MGLL: variants seen among roughly 807,000 people sequenced by gnomAD.
MGLL encodes monoglyceride lipase.
Under a neutral mutation model 29.1 loss-of-function variants are expected in MGLL, and 7 were observed. The observed-to-expected ratio is 0.24, with a 90% CI of 0.14 to 0.45. The LOEUF is 0.45. MGLL is among the 20% of genes least tolerant of loss of function. The pLI is 0.99. For synonymous variants in MGLL, 148 were observed against 168.3 expected (o/e 0.88, Z 0.93); for missense variants, 356 against 413.6 (o/e 0.86, Z 1.21).
At chr3:127,745,001 G>C (rs374900603) in intron 3 of MGLL, among the ~76,000 whole-genome samples, 2 of 152,198 alleles carry the variant, frequency 1.3e-5, no homozygotes, top group Non-Finnish European at 2.9e-5. Context: ...TCATACACCT[G>C]CTGACCGGCA....
intron 5 of MGLL, among the ~76,000 whole-genome samples, chr3:127,716,103 G>A (rs1053318533): frequency 1.6e-4 from 25 of 152,270 alleles, no homozygotes; most frequent in Admixed American, 1.3e-3. Context: ...AGGGGTCGTC[G>A]CCTGAGGATA....
intron 2 of MGLL, among the ~76,000 whole-genome samples, chr3:127,803,740 G>A (rs561660498): frequency 6.6e-6 from 1 of 152,322 alleles, no homozygotes; most frequent in Admixed American, 6.5e-5. Context: ...ATGAGTTAGG[G>A]AAGTTTGATG....
intron 3 of MGLL, among the ~76,000 whole-genome samples, chr3:127,752,120 G>A (rs1000486375): frequency 6.7e-5 from 10 of 149,102 alleles, no homozygotes; most frequent in African/African-American, 1.5e-4. Context: ...TTTTTTAGAC[G>A]GAGTTTCACT....
At chr3:127,823,029 C>G (rs952184185), upstream of MGLL, 113 of 152,252 alleles carry the variant, frequency 7.4e-4, no homozygotes, top group Non-Finnish European at 1.4e-3. Context: ...CAGTGCTGCT[C>G]CCCACCCCTG....
At chr3:127,705,233 C>CG (rs1292096764) in intron 6 of MGLL, among the ~76,000 whole-genome samples, 2 of 146,034 alleles carry the variant, frequency 1.4e-5, no homozygotes, top group South Asian at 2.2e-4. Context: ...AGGAGGGGCA[C>CG]GGGGGGAGGG....
intron 3 of MGLL, among the ~76,000 whole-genome samples, chr3:127,729,427 A>G (rs2076107182): frequency 6.6e-6 from 1 of 152,100 alleles, no homozygotes; most frequent in Non-Finnish European, 1.5e-5. Flanking sequence ...ACCCATTTGA[A>G]TTTTGTCTTG....
At position 127,750,098 on chromosome 3, in the gene MGLL, G is replaced by A. The variant is rs138671142; in HGVS notation, c.263-27532C>T. On this transcript the variant is annotated intron_variant, in intron 3 of 7. Coordinates refer to ENST00000265052, the MANE Select transcript of MGLL (RefSeq NM_007283.7). Reference sequence around the variant, plus strand: ...ACACAGGTGGTGGGAGCTGAGGAGGGCCATGGTCTCATCTGGGCTGAAGGG... The same window carrying A: ...ACACAGGTGGTGGGAGCTGAGGAGGACCATGGTCTCATCTGGGCTGAAGGG... Among the ~76,000 whole-genome samples the A allele has an allele frequency of 6.1e-3, 922 of 152,208 alleles. 6 individuals are homozygous for A. The highest frequency in any genetic ancestry group is 0.021 in the African/African-American group (871 of 41,526).
intron 2 of MGLL, among the ~76,000 whole-genome samples, chr3:127,809,264 A>C (rs558315464): frequency 6.6e-6 from 1 of 152,160 alleles, no homozygotes; most frequent in Non-Finnish European, 1.5e-5. Context: ...AGCCATCACC[A>C]AGTCCTATAG....
chr3:127,722,001 G>A (rs530438645), intron 4 of MGLL, among the ~76,000 whole-genome samples: 255 of 152,348 alleles, frequency 1.7e-3, no homozygotes, highest in Non-Finnish European at 3.3e-3. Context: ...TAAGCTTTAA[G>A]GAATTGTTTC....
intron 3 of MGLL, among the ~76,000 whole-genome samples, chr3:127,741,238 G>T (rs538046540): frequency 1.3e-5 from 2 of 152,384 alleles, no homozygotes; most frequent in African/African-American, 4.8e-5. Flanking sequence ...ACACAGTGGG[G>T]TGGAGTGAAT....
At chr3:127,787,637 G>T (rs770633569) in intron 2 of MGLL, among the ~76,000 whole-genome samples, 1 of 152,246 alleles carries the variant, frequency 6.6e-6, no homozygotes, top group Non-Finnish European at 1.5e-5. Flanking sequence ...TGGGTGAGGG[G>T]AGCCTCGGGG....
chr3:127,693,178 G>A (rs746128093), intron 7 of MGLL, among the ~76,000 whole-genome samples: 73 of 152,084 alleles, frequency 4.8e-4, no homozygotes, highest in Non-Finnish European at 6.5e-4. Context: ...TGGCGTTTCC[G>A]GTCTCATTAC....
intron 5 of MGLL, 198 bp from the exon 6 acceptor site, chr3:127,710,863 C>A: frequency 1.6e-6 from 1 of 618,158 alleles, no homozygotes; most frequent in Non-Finnish European, 3.0e-6. Context: ...CAGCCTGGCT[C>A]TGCTCCACCT....
chr3:127,761,656 C>T lies in MGLL; in HGVS notation c.262+20133G>A, dbSNP rs747499992. Among the ~76,000 whole-genome samples the T allele has an allele frequency of 1.3e-5, 2 of 152,210 alleles. No homozygotes were observed. The highest frequency in any genetic ancestry group is 1.5e-5 in the Non-Finnish European group (1 of 68,046). On this transcript the variant is annotated intron_variant, in intron 3 of 7. Transcript: ENST00000265052. The surrounding 1 kb of genome is among the most constrained non-coding windows in gnomAD (Gnocchi z 4.6). ...GGTTTCCTCTTTTGGCTGGTGAGGA[C>T]ACGGAGGCACAGAGAGGGCTGGCGC...
intron 5 of MGLL, chr3:127,711,779 A>G (rs952408495): frequency 1.3e-5 from 2 of 148,350 alleles, no homozygotes; most frequent in Non-Finnish European, 3.0e-5. Context: ...GCTGGAGTGC[A>G]GTGGCGCAAT....
At chr3:127,713,397 A>ATGGTG (rs3836350) in intron 5 of MGLL, 73,128 of 151,572 alleles carry the variant, frequency 0.48, 17,748 homozygotes, top group African/African-American at 0.52. Flanking sequence ...GTGTAACGGG[A>ATGGTG]TGGTGTGCAA....
At position 127,694,957 on chromosome 3, in the gene MGLL, C is replaced by A. The variant is rs199910296; in HGVS notation, c.816+18G>T. ...CCCCTCCACCTTGGGGGGAAGTGGGCAAGTGGCAGCCGCTCACCTTGAGAG... is the reference window on the plus strand; with the variant it reads ...CCCCTCCACCTTGGGGGGAAGTGGGAAAGTGGCAGCCGCTCACCTTGAGAG... On this transcript the variant is annotated intron_variant, in intron 7 of 7. Coordinates refer to ENST00000265052, the MANE Select transcript of MGLL (RefSeq NM_007283.7). 13 of 1,612,380 alleles carry A rather than the reference C, an allele frequency of 8.1e-6. No homozygotes were observed. The African/African-American group carries it at 1.5e-4, about 18-fold the overall frequency.
chr3:127,776,810 T>C (rs1054806886), intron 3 of MGLL, among the ~76,000 whole-genome samples: 1 of 152,222 alleles, frequency 6.6e-6, no homozygotes, highest in African/African-American at 2.4e-5. Flanking sequence ...TTATAAACTC[T>C]TCCAGTCATT....
chr3:127,698,607 G>T (rs2075418648), intron 6 of MGLL, among the ~76,000 whole-genome samples: 1 of 152,160 alleles, frequency 6.6e-6, no homozygotes, highest in Non-Finnish European at 1.5e-5. Flanking sequence ...GTGGGGAGGG[G>T]ATGCAGCTGC....
Sources: allele counts gnomAD v4.1 joint callset (sites outside exome capture counted in the v4.1 genomes callset), GRCh38; gene constraint gnomAD v4.1.1; non-coding constraint Gnocchi (gnomAD v3.1); transcripts MANE v1.5; gene names NCBI Gene and HGNC (gene_info 2026-07-23, HGNC 2026-07-21).